The following CLTCL1 variants were observed in gnomAD, a reference collection of about 807,000 sequenced individuals.
CLTCL1 encodes the protein clathrin heavy chain like 1.
CLTCL1 carries 159 observed loss-of-function variants against 190.0 expected under a neutral mutation model. That is an observed-to-expected ratio of 0.84 (90% CI 0.74 to 0.95). CLTCL1 has a LOEUF of 0.95. Among genes scored for constraint, CLTCL1 ranks in the 40% least tolerant of loss-of-function variants. CLTCL1 has a pLI of 0.00. For missense variants in CLTCL1, 1,878 were observed against 2,033.4 expected (o/e 0.92, Z 1.47); for synonymous variants, 752 against 769.6 (o/e 0.98, Z 0.38).
In CLTCL1 at chr22:19,217,564, C is replaced by T. The variant is rs535085761; in HGVS notation, c.2920-1308G>A. 1.2e-4 allele frequency among the ~76,000 whole-genome samples: 16 copies of T among 134,018 alleles called. No homozygotes were observed. In the South Asian group the frequency reaches 1.4e-3, roughly 12 times the overall value. The allele number at this position is 134,018 out of a possible 152,430, so 87.9% of individuals were successfully genotyped here. On this transcript the variant is annotated intron_variant, in intron 18 of 32. Coordinates refer to ENST00000427926, the MANE Select transcript of CLTCL1 (RefSeq NM_007098.4). ...CCGGAAGGCGGAGCTTGCAGTGAGCCGAGATCGCGCCACTGTACTCCAGCC... is the reference window on the plus strand; with the variant it reads ...CCGGAAGGCGGAGCTTGCAGTGAGCTGAGATCGCGCCACTGTACTCCAGCC...
In CLTCL1 at chr22:19,223,829, T is replaced by C. The variant is rs1382326732; in HGVS notation, c.2292+62A>G. 5.6e-6 allele frequency: 9 copies of C among 1,598,260 alleles called. No individual in the cohort carries two copies. In the East Asian group the frequency reaches 2.0e-4, roughly 36 times the overall value. On this transcript the variant is annotated intron_variant, in intron 14 of 32. Transcript: ENST00000427926. ...TCCTGCCCCTGGGACGTCCTGCGGA[T>C]GGTCTGCCCCACCTGCCATCAGCAA... is the stretch of plus-strand genomic sequence containing the variant.
intron 2 of CLTCL1, among the ~76,000 whole-genome samples, chr22:19,261,573 A>C (rs782158527): frequency 2.0e-5 from 3 of 152,222 alleles, no homozygotes; most frequent in African/African-American, 7.2e-5. Flanking sequence ...ATTAACAGGA[A>C]TTTGGAAGAA....
chr22:19,252,769 C>T lies in CLTCL1; in HGVS notation c.519+1190G>A, dbSNP rs2086630799. ...GTGGCTCACGCCTGTAATCCCAGCA[C>T]TTTGGGAGGCCAAGGCGGGCGGATC... On this transcript the variant is annotated intron_variant, in intron 3 of 32. Transcript: ENST00000427926. Among the ~76,000 whole-genome samples the T allele has an allele frequency of 5.3e-5, 8 of 152,200 alleles. No homozygotes were observed. In the South Asian group the frequency reaches 1.7e-3, roughly 31 times the overall value.
At chr22:19,252,736 C>T (rs548632997) in intron 3 of CLTCL1, among the ~76,000 whole-genome samples, 4 of 152,114 alleles carry the variant, frequency 2.6e-5, no homozygotes, top group South Asian at 2.1e-4. Context: ...AAAAAGGGGA[C>T]GGGCGCGGTG....
At chr22:19,253,736 T>G (rs987600699) in intron 3 of CLTCL1, among the ~76,000 whole-genome samples, 15 of 151,984 alleles carry the variant, frequency 9.9e-5, no homozygotes, top group Admixed American at 2.0e-4. Context: ...GGTCTTGCTC[T>G]GTTGCCCAGG....
At chr22:19,245,180 C>T (rs59900229) in intron 3 of CLTCL1, among the ~76,000 whole-genome samples, 1 of 151,364 alleles carries the variant, frequency 6.6e-6, no homozygotes, top group African/African-American at 2.4e-5. Context: ...TTCCCCTCTC[C>T]CCCTCCTTTT....
At chr22:19,215,258 T>C (rs1257342149) in intron 19 of CLTCL1, among the ~76,000 whole-genome samples, 1 of 152,190 alleles carries the variant, frequency 6.6e-6, no homozygotes, top group Non-Finnish European at 1.5e-5. Flanking sequence ...ATATAGCATC[T>C]CCAAGTTTAA....
In CLTCL1 at chr22:19,221,617, A is replaced by C; in HGVS notation, c.2562-6T>G. ...AGGGAAGCAGCAGCTTGAGCCTTTG[A>C]AAGAAGGAAGGTGCTGTAAAGTCTC... On this transcript the variant is annotated splice_polypyrimidine_tract_variant and splice_region_variant and intron_variant, in intron 16 of 32. Coordinates refer to ENST00000427926, the MANE Select transcript of CLTCL1 (RefSeq NM_007098.4). 2 of 1,570,596 alleles carry C rather than the reference A, an allele frequency of 1.3e-6. No homozygotes were observed. Among genetic ancestry groups the C allele is most frequent in the Non-Finnish European group, 1.7e-6 (2 of 1,157,190 alleles).
chr22:19,222,170 T>C (rs1458342745), intron 15 of CLTCL1, 77 bp from the exon 16 acceptor site: 1 of 1,503,566 alleles, frequency 6.7e-7, no homozygotes, highest in Non-Finnish European at 9.1e-7. Context: ...ACGTGGACAG[T>C]TTGGGCAAAA....
At chr22:19,232,035 G>T (rs2085931076) in intron 10 of CLTCL1, among the ~76,000 whole-genome samples, 1 of 152,106 alleles carries the variant, frequency 6.6e-6, no homozygotes, top group African/African-American at 2.4e-5. Flanking sequence ...TTTTAAGTAG[G>T]TTACACTAAA....
intron 22 of CLTCL1, among the ~76,000 whole-genome samples, chr22:19,207,337 T>C (rs1270857686): frequency 6.6e-6 from 1 of 152,158 alleles, no homozygotes; most frequent in Non-Finnish European, 1.5e-5. Context: ...CAATATATAT[T>C]TTATGCATCC....
At chr22:19,280,499 G>A (rs2087667612) in intron 1 of CLTCL1, among the ~76,000 whole-genome samples, 1 of 152,056 alleles carries the variant, frequency 6.6e-6, no homozygotes. Context: ...CAACATGAAT[G>A]AACCTTGAGG....
intron 5 of CLTCL1, among the ~76,000 whole-genome samples, chr22:19,237,196 T>A (rs1348539312): frequency 1.3e-5 from 2 of 151,976 alleles, no homozygotes; most frequent in Non-Finnish European, 2.9e-5. Flanking sequence ...ATCCTGGAGT[T>A]GGGCACAGTG....
chr22:19,277,472 G>T (rs1459079119), intron 1 of CLTCL1, among the ~76,000 whole-genome samples: 1 of 152,152 alleles, frequency 6.6e-6, no homozygotes, highest in African/African-American at 2.4e-5. Flanking sequence ...ACTAAGTGGT[G>T]ATTATGTTCC....
Position 19,275,752 on chromosome 22 carries a change from G to A in CLTCL1, c.121C>T (p.Arg41Ter), listed in dbSNP as rs782354735. The A allele has an allele frequency of 8.7e-6, 14 of 1,609,734 alleles. No homozygotes were observed. Among genetic ancestry groups the A allele is most frequent in the South Asian group, 6.7e-5 (6 of 89,918 alleles). ...TMESDKFICIREKVGEQAQVT... is the reference protein window; with the variant it reads ...TMESDKFICI ...TGTGCCTGCTCACCAACTTTCTCTC[G>A]GATACATATGAACTTGTCAGATTCC... Residue 41 changes from arginine (R) to a stop codon, truncating the protein, a stop_gained, in exon 2 of 33, where the codon CGA (arginine) becomes TGA (stop). Coordinates refer to ENST00000427926, the MANE Select transcript of CLTCL1 (RefSeq NM_007098.4). LOFTEE classifies it high-confidence loss of function.
chr22:19,262,924 G>A (rs1272061852), intron 2 of CLTCL1, among the ~76,000 whole-genome samples: 7 of 151,572 alleles, frequency 4.6e-5, no homozygotes, highest in Non-Finnish European at 7.4e-5. Context: ...CCAGCTACTC[G>A]GGAGGCTGAG....
Position 19,187,636 on chromosome 22 carries a change from G to A in CLTCL1, c.4527C>T (p.Cys1509=), listed in dbSNP as rs781787199. 3 of 1,613,750 alleles carry A rather than the reference G, an allele frequency of 1.9e-6. No individual in the cohort carries two copies. The highest frequency in any genetic ancestry group is 2.2e-5 in the East Asian group (1 of 44,892). Reference sequence around the variant, plus strand: ...TGCCCTTGTACAGATAGGCCGCAATGCACCTGAACTCCATCAGCTGATGCT... The same window carrying A: ...TGCCCTTGTACAGATAGGCCGCAATACACCTGAACTCCATCAGCTGATGCT... ...LEKHQLMEFR[C]IAAYLYKGNN... Residue 1509 remains cysteine (C), a synonymous_variant, in exon 29 of 33, where the codon TGC becomes TGT. Coordinates refer to ENST00000427926, the MANE Select transcript of CLTCL1 (RefSeq NM_007098.4).
At chr22:19,181,002 C>T (rs980644165) in intron 30 of CLTCL1, 196 bp from the exon 31 acceptor site, 1 of 585,180 alleles carries the variant, frequency 1.7e-6, no homozygotes, top group South Asian at 2.1e-5. Flanking sequence ...AGAGGTGAAG[C>T]CTCGGTAGCT....
intron 2 of CLTCL1, among the ~76,000 whole-genome samples, chr22:19,263,404 ATTTATTTTTATT>A (rs1186178479): frequency 1.3e-5 from 2 of 151,436 alleles, no homozygotes; most frequent in South Asian, 2.1e-4. Flanking sequence ...GCCATAAATT[ATTTATTTTTATT>A]TTTATTTTTA....
Sources: allele counts gnomAD v4.1 joint callset (sites outside exome capture counted in the v4.1 genomes callset), GRCh38; gene constraint gnomAD v4.1.1; transcripts MANE v1.5; gene names NCBI Gene and HGNC (gene_info 2026-07-23, HGNC 2026-07-21).